The following MYO3A variants were observed in gnomAD, a reference collection of about 807,000 sequenced individuals.
The protein encoded by MYO3A is myosin-IIIa.
MYO3A carries 180 observed loss-of-function variants against 192.7 expected under a neutral mutation model. The observed-to-expected ratio is 0.93, with a 90% CI of 0.83 to 1.06. MYO3A has a LOEUF of 1.06. Ranked by LOEUF, MYO3A falls within the 50% of genes least tolerant of loss-of-function variation. MYO3A has a pLI of 0.00. For missense variants in MYO3A, 1,896 were observed against 1,905.0 expected (o/e 1.00, Z 0.09); for synonymous variants, 628 against 645.3 (o/e 0.97, Z 0.41).
chr10:26,012,175 C>T (rs1487447150), intron 6 of MYO3A, among the ~76,000 whole-genome samples: 2 of 152,162 alleles, frequency 1.3e-5, no homozygotes, highest in East Asian at 1.9e-4. Context: ...AAGCTTTCCC[C>T]CTGAACAGGA....
At chr10:25,942,808 G>A (rs1489115167) in intron 2 of MYO3A, among the ~76,000 whole-genome samples, 1 of 148,690 alleles carries the variant, frequency 6.7e-6, no homozygotes, top group Non-Finnish European at 1.5e-5. Context: ...TTTTTTAGTT[G>A]TAGAGTTATT....
chr10:26,150,064 C>A (rs1840710348), intron 23 of MYO3A, among the ~76,000 whole-genome samples: 1 of 143,136 alleles, frequency 7.0e-6, no homozygotes, highest in South Asian at 2.2e-4. Flanking sequence ...GTGTAGACAC[C>A]ACATTTTCTT....
intron 11 of MYO3A, 126 bp downstream of exon 11, chr10:26,067,200 A>T (rs536067483): frequency 1.5e-6 from 1 of 671,692 alleles, no homozygotes; most frequent in Non-Finnish European, 2.7e-6. Flanking sequence ...CTTAACACTC[A>T]CTCTGCCCAT....
rs948345037 is a variant in MYO3A, at chr10:26,157,485, A to G, written c.2969A>G (p.His990Arg). The G allele has an allele frequency of 3.1e-6, 5 of 1,614,156 alleles. No homozygotes were observed. The South Asian group carries it at 4.4e-5, about 14-fold the overall frequency. Residue 990 changes from histidine (H) to arginine (R), a missense_variant, in exon 26 of 35, where the codon CAT (histidine) becomes CGT (arginine). By Grantham distance (29) the His-to-Arg change is conservative. Transcript: ENST00000642920. The part of the protein sequence containing the change: ...TARIRRLGFS[H>R]RILFANFIKR... ...AGAATTCGAAGACTAGGATTCTCCC[A>G]TCGGATACTTTTTGCTAACTTTATA...
At chr10:26,016,775 T>G in intron 6 of MYO3A, 45 bp from the exon 7 acceptor site, 1 of 1,551,048 alleles carries the variant, frequency 6.4e-7, no homozygotes, top group Non-Finnish European at 8.9e-7. Flanking sequence ...AAGCTCTTTA[T>G]ATGAGTAATT....
At chr10:25,982,362 A>G (rs1839388282) in intron 4 of MYO3A, among the ~76,000 whole-genome samples, 1 of 152,146 alleles carries the variant, frequency 6.6e-6, no homozygotes, top group Admixed American at 6.5e-5. Context: ...TGGAAGCTCT[A>G]TGGCCCTGCT....
chr10:26,199,830 T>C (rs1192501400), intron 32 of MYO3A, among the ~76,000 whole-genome samples: 1 of 152,140 alleles, frequency 6.6e-6, no homozygotes, highest in Non-Finnish European at 1.5e-5. Flanking sequence ...CTTTGAACTA[T>C]AGGCAATTGT....
intron 4 of MYO3A, among the ~76,000 whole-genome samples, chr10:25,988,939 C>CTTTTTTTTTTTT (rs56308717): frequency 1.3e-4 from 15 of 117,002 alleles, no homozygotes; most frequent in Admixed American, 2.8e-4. Context: ...CCCTAAAACT[C>CTTTTTTTTTTTT]TTTTTTTTTT....
At chr10:26,084,702 C>T (rs189354536) in intron 14 of MYO3A, among the ~76,000 whole-genome samples, 2 of 152,282 alleles carry the variant, frequency 1.3e-5, no homozygotes, top group East Asian at 1.9e-4. Context: ...TGAGGTCTCA[C>T]TTTGTTGCCC....
intron 17 of MYO3A, among the ~76,000 whole-genome samples, chr10:26,109,615 A>T (rs1165683098): frequency 6.6e-6 from 1 of 152,226 alleles, no homozygotes; most frequent in Non-Finnish European, 1.5e-5. Context: ...TCCACCATGG[A>T]TTAGAGGGGA....
At chr10:25,957,846 A>G (rs1837656988) in intron 4 of MYO3A, among the ~76,000 whole-genome samples, 1 of 152,108 alleles carries the variant, frequency 6.6e-6, no homozygotes, top group Non-Finnish European at 1.5e-5. Context: ...ATGATCAGTG[A>G]TGTTGAGCTT....
chr10:25,944,836 AC>A (rs1311832680), intron 2 of MYO3A, among the ~76,000 whole-genome samples: 7 of 151,830 alleles, frequency 4.6e-5, no homozygotes, highest in African/African-American at 1.7e-4. Flanking sequence ...CGAAGAATCA[AC>A]TCATGGTTTT....
chr10:26,021,482 G>A (rs529136793), intron 7 of MYO3A, 21 bp from the exon 8 acceptor site: 19 of 1,613,032 alleles, frequency 1.2e-5, no homozygotes, highest in Middle Eastern at 1.6e-4. Flanking sequence ...TTCACCTTTT[G>A]ATGGTGTGGT....
rs928947252 is a variant in MYO3A at position 26,120,820 on chromosome 10, C to T, written c.1903+18C>T. On this transcript the variant is annotated intron_variant, in intron 18 of 34. Transcript: ENST00000642920. ...GGAGAACTGTAAGTTTTATTACCTT[C>T]TATTCAAAACTGAAATCTTTCAAAT... is the stretch of plus-strand genomic sequence containing the variant. 4.3e-6 allele frequency: 7 copies of T among 1,613,514 alleles called. No individual in the cohort carries two copies. The highest frequency in any genetic ancestry group is 5.9e-6 in the Non-Finnish European group (7 of 1,179,626).
At chr10:26,156,195 G>T (rs1170220605) in intron 25 of MYO3A, among the ~76,000 whole-genome samples, 1 of 152,224 alleles carries the variant, frequency 6.6e-6, no homozygotes, top group African/African-American at 2.4e-5. Flanking sequence ...CCAGCTGTTT[G>T]AAAAGATCAC....
At chr10:26,185,329 C>CTTTTTTTTTTTTTT (rs61581382) in intron 31 of MYO3A, among the ~76,000 whole-genome samples, 1 of 63,856 alleles carries the variant, frequency 1.6e-5, no homozygotes, top group African/African-American at 5.8e-5. Context: ...TTCCAGGATT[C>CTTTTTTTTTTTTTT]TTTTTTTTTT....
intron 10 of MYO3A, among the ~76,000 whole-genome samples, chr10:26,057,028 A>G (rs1054245586): frequency 2.6e-5 from 4 of 152,196 alleles, no homozygotes; most frequent in Non-Finnish European, 5.9e-5. Context: ...AATAAAGTTA[A>G]AGGACACAGA....
chr10:25,937,073 G>C (rs1836130128), intron 2 of MYO3A, among the ~76,000 whole-genome samples: 1 of 148,100 alleles, frequency 6.8e-6, no homozygotes, highest in East Asian at 1.9e-4. Flanking sequence ...GGTCAGCTCA[G>C]TACTTTAAAA....
chr10:26,015,416 C>A (rs1055092710), intron 6 of MYO3A, among the ~76,000 whole-genome samples: 2 of 151,998 alleles, frequency 1.3e-5, no homozygotes, highest in African/African-American at 4.8e-5. Context: ...ATTTTGGATC[C>A]CTGTTGCCTT....
Sources: allele counts gnomAD v4.1 joint callset (sites outside exome capture counted in the v4.1 genomes callset), GRCh38; gene constraint gnomAD v4.1.1; transcripts MANE v1.5; gene names NCBI Gene and HGNC (gene_info 2026-07-23, HGNC 2026-07-21).